The following BARHL2 variants were observed in gnomAD, a reference collection of about 807,000 sequenced individuals.
BARHL2 encodes barH-like 2 homeobox protein.
Under a neutral mutation model 27.1 loss-of-function variants are expected in BARHL2, and 10 were observed. The observed-to-expected ratio is 0.37, with a 90% CI of 0.23 to 0.63. The LOEUF (loss-of-function observed/expected upper bound fraction) is 0.63. BARHL2 is among the 20% of genes least tolerant of loss of function. BARHL2 has a pLI of 0.65. For synonymous variants in BARHL2, 248 were observed against 224.7 expected (o/e 1.10, Z -0.93); for missense variants, 483 against 533.5 (o/e 0.91, Z 0.93).
At chr1:90,712,787 C>A (rs2100640003) in intron 2 of BARHL2, among the ~76,000 whole-genome samples, 163 bp from the exon 3 acceptor site, 1 of 152,236 alleles carries the variant, frequency 6.6e-6, no homozygotes, top group African/African-American at 2.4e-5. Flanking sequence ...CATCTCCTGC[C>A]CCAGCCTTGC....
At chr1:90,714,383 C>T (rs1045720796) in intron 2 of BARHL2, 148 bp downstream of exon 2, 25 of 748,086 alleles carry the variant, frequency 3.3e-5, no homozygotes, top group Non-Finnish European at 5.5e-5. Flanking sequence ...GTGGCTCATC[C>T]CTGCCCCATC....
At position 90,716,677 on chromosome 1, in the gene BARHL2, C is replaced by T. The variant is rs762202760; in HGVS notation, c.519G>A (p.Gln173=). The T allele has an allele frequency of 2.9e-5, 47 of 1,613,210 alleles. No individual in the cohort carries two copies. The highest frequency in any genetic ancestry group is 2.2e-5 in the South Asian group (2 of 90,828). Residue 173 remains glutamine (Q), a synonymous_variant, in exon 1 of 3, where the codon CAG becomes CAA. Coordinates refer to ENST00000370445, the MANE Select transcript of BARHL2 (RefSeq NM_020063.2). ...SVSSPHHTPK[Q]ESNAVHESFR... The stretch of plus-strand genomic sequence containing the variant: ...AGCTCTCGTGCACTGCGTTGCTCTC[C>T]TGCTTCGGGGTGTGGTGGGGAGAGG...
chr1:90,714,369 G>C (rs1169402955), intron 2 of BARHL2, among the ~76,000 whole-genome samples, 162 bp downstream of exon 2: 2 of 152,206 alleles, frequency 1.3e-5, no homozygotes, highest in Admixed American at 6.5e-5. Flanking sequence ...CTCACCTTGG[G>C]GGTGTGGCTC....
At chr1:90,713,964 C>T (rs4146668) in intron 2 of BARHL2, among the ~76,000 whole-genome samples, 1 of 152,172 alleles carries the variant, frequency 6.6e-6, no homozygotes, top group African/African-American at 2.4e-5. Flanking sequence ...GGCTGCCAAA[C>T]CTACTCTAAC....
At chr1:90,713,107 G>A (rs1442490119) in intron 2 of BARHL2, among the ~76,000 whole-genome samples, 3 of 152,186 alleles carry the variant, frequency 2.0e-5, no homozygotes, top group Non-Finnish European at 4.4e-5. Context: ...ACAAAGGGAT[G>A]CAGAGACTCC....
intron 2 of BARHL2, among the ~76,000 whole-genome samples, chr1:90,714,032 T>TAGAA (rs1203449398): frequency 3.3e-5 from 5 of 152,180 alleles, no homozygotes; most frequent in Non-Finnish European, 5.9e-5. Context: ...ATCCTGCTTC[T>TAGAA]CCCAGCCGCC....
chr1:90,716,551 C>A lies in BARHL2; in HGVS notation c.625+20G>T, dbSNP rs1658147791. 6.2e-7 allele frequency: 1 copy of A among 1,611,814 alleles called. No homozygotes were observed. The highest frequency in any genetic ancestry group is 1.3e-5 in the African/African-American group (1 of 74,872). ...GGAGGACAAGCTAGACGGCCGAGAG[C>A]GCCGGGTGGCGGGACTCACCGTGGC... On this transcript the variant is annotated intron_variant, in intron 1 of 2. Transcript: ENST00000370445.
rs965972304 is a variant in BARHL2 at position 90,711,734 on chromosome 1, T to C, written c.*578A>G. On this transcript the variant is annotated 3_prime_UTR_variant, in exon 3 of 3. Transcript: ENST00000370445. ...CACTTATCACTCAGTCTTTCAAATG[T>C]ACATTTTTTTCATATTATGGAGCAT... is the stretch of plus-strand genomic sequence containing the variant. The C allele has an allele frequency of 1.3e-5, 2 of 152,146 alleles. No individual in the cohort carries two copies. Among genetic ancestry groups the C allele is most frequent in the Non-Finnish European group, 2.9e-5 (2 of 68,038 alleles). The allele number at this position is 152,146 out of a possible 1,614,324, so 9.4% of individuals were successfully genotyped here.
intron 1 of BARHL2, among the ~76,000 whole-genome samples, chr1:90,715,287 A>C (rs1658122661): frequency 6.6e-6 from 1 of 150,776 alleles, no homozygotes; most frequent in African/African-American, 2.4e-5. Flanking sequence ...GAAATGTTGG[A>C]ATCAAGCTTT....
chr1:90,712,938 T>C (rs1658066518), intron 2 of BARHL2, among the ~76,000 whole-genome samples: 1 of 152,180 alleles, frequency 6.6e-6, no homozygotes, highest in Non-Finnish European at 1.5e-5. Context: ...GTTTGGCTAC[T>C]TCTGGAAACT....
Position 90,717,081 on chromosome 1 carries a change from T to G in BARHL2, c.115A>C (p.Arg39=). ...GCCTGACTCCTAAAATCCGCGGTCC[T>G]GGCCTCACCGAGCGGGCGGAAATCT... The part of the protein sequence containing the change: ...NGDFRPLGEA[R]TADFRSQATP... Residue 39 remains arginine (R), a synonymous_variant, in exon 1 of 3, where the codon AGG becomes CGG. Transcript: ENST00000370445. The G allele has an allele frequency of 6.2e-7, 1 of 1,613,976 alleles. No homozygotes were observed. Among genetic ancestry groups the G allele is most frequent in the South Asian group, 1.1e-5 (1 of 91,062 alleles).
At chr1:90,716,498 T>G in intron 1 of BARHL2, 73 bp downstream of exon 1, 1 of 1,498,322 alleles carries the variant, frequency 6.7e-7, no homozygotes, top group Non-Finnish European at 9.3e-7. Context: ...AGAGATCTGC[T>G]GAAGGCTGAA....
At chr1:90,713,391 G>A (rs758365201) in intron 2 of BARHL2, among the ~76,000 whole-genome samples, 3 of 152,106 alleles carry the variant, frequency 2.0e-5, no homozygotes, top group Admixed American at 1.3e-4. Context: ...TCCCTCCCCC[G>A]CTGCACACCC....
chr1:90,716,541 C>T (rs1658147652), intron 1 of BARHL2, 30 bp downstream of exon 1: 2 of 1,608,246 alleles, frequency 1.2e-6, no homozygotes, highest in African/African-American at 1.3e-5. Context: ...ACAAGCTAGA[C>T]GGCCGAGAGC....
intron 2 of BARHL2, among the ~76,000 whole-genome samples, chr1:90,713,762 G>A (rs1203219620): frequency 2.0e-5 from 3 of 152,178 alleles, no homozygotes; most frequent in Non-Finnish European, 4.4e-5. Context: ...TCTACACTTC[G>A]TGGCCCTGCG....
Position 90,712,310 on chromosome 1 carries a change from T to C in BARHL2, c.*2A>G. On this transcript the variant is annotated 3_prime_UTR_variant, in exon 3 of 3. Coordinates refer to ENST00000370445, the MANE Select transcript of BARHL2 (RefSeq NM_020063.2). Reference sequence around the variant, plus strand: ...GATTGCAGTGCCTTCGCTGCAATGTTTTCACCGGGGGTGTGGGGTGCCTGG... The same window carrying C: ...GATTGCAGTGCCTTCGCTGCAATGTCTTCACCGGGGGTGTGGGGTGCCTGG... 6.9e-7 allele frequency: 1 copy of C among 1,454,822 alleles called. No individual in the cohort carries two copies. The highest frequency in any genetic ancestry group is 1.4e-5 in the African/African-American group (1 of 70,502). 90.1% of individuals were successfully genotyped at this position (1,454,822 alleles called of 1,614,324 possible).
At position 90,717,162 on chromosome 1, in the gene BARHL2, C is replaced by T; in HGVS notation, c.34G>A (p.Gly12Arg). 1.2e-6 allele frequency: 2 copies of T among 1,613,472 alleles called. No homozygotes were observed. The highest frequency in any genetic ancestry group is 2.2e-5 in the South Asian group (2 of 90,918). ...TMEGASGSSF[G>R]IDTILSSASS... ...GCACTGGACAAAATCGTGTCTATTC[C>T]AAAACTCGACCCGCTGGCCCCTTCC... Residue 12 changes from glycine to arginine, a missense_variant, in exon 1 of 3, where the codon GGA (glycine) becomes AGA (arginine). Gly to Arg is a moderately radical substitution (Grantham distance 125, BLOSUM62 -2). Transcript: ENST00000370445.
At chr1:90,716,010 C>T (rs1658136425) in intron 1 of BARHL2, among the ~76,000 whole-genome samples, 2 of 151,040 alleles carry the variant, frequency 1.3e-5, no homozygotes, top group Non-Finnish European at 2.9e-5. Flanking sequence ...CAAATTTTTA[C>T]GGGCTAACCA....
At position 90,714,557 on chromosome 1, in the gene BARHL2, T is replaced by C. The variant is rs756198823; in HGVS notation, c.825A>G (p.Gln275=). 5 of 1,614,212 alleles carry C rather than the reference T, an allele frequency of 3.1e-6. No individual in the cohort carries two copies. The South Asian group carries it at 3.3e-5, about 11-fold the overall frequency. The change falls in exon 2 of 3, where the codon CAA becomes CAG. Residue 275 remains glutamine, a synonymous_variant. Transcript: ENST00000370445. ...TGCGGTTCTGGTACCAGGTCTTGAC[T>C]TGGGTGTCAGTGAGGTTGAGCGCTG... ...LAAALNLTDT[Q]VKTWYQNRRT...
Sources: gnomAD v4.1 joint callset for allele counts (sites outside exome capture counted in the v4.1 genomes callset) on GRCh38, gnomAD v4.1.1 for gene constraint, MANE v1.5 for transcripts, NCBI Gene and HGNC (gene_info 2026-07-23, HGNC 2026-07-21) for gene names.